PABPN1L: variants seen among roughly 807,000 people sequenced by gnomAD.
PABPN1L encodes the protein embryonic polyadenylate-binding protein 2.
Under a neutral mutation model 34.0 loss-of-function variants are expected in PABPN1L, and 45 were observed. That is an observed-to-expected ratio of 1.32 (90% CI 1.04 to 1.70). The LOEUF is 1.70. PABPN1L is among the 40% of genes most tolerant of loss of function. The pLI is 0.00. For missense variants in PABPN1L, 459 were observed against 367.8 expected, an observed-to-expected ratio of 1.25 and a Z score of -2.03; for synonymous variants, 182 against 152.1, an observed-to-expected ratio of 1.20 and a Z score of -1.45.
Position 88,866,348 on chromosome 16 carries a change from T to C in PABPN1L, c.255+4A>G, listed in dbSNP as rs1366945902. 6.5e-7 allele frequency: 1 copy of C among 1,548,876 alleles called. No homozygotes were observed. Among genetic ancestry groups the C allele is most frequent in the South Asian group, 1.2e-5 (1 of 84,010 alleles). ...GATCCCCAGGGCCTCCACACAGCTG[T>C]TACCTGGTCAGGCAATGGGCACTCA... On this transcript the variant is annotated splice_donor_region_variant and intron_variant, in intron 1 of 6. Transcript: ENST00000419291.
chr16:88,866,750 G>C (rs909831983), upstream of PABPN1L: 1 of 1,204,594 alleles, frequency 8.3e-7, no homozygotes, highest in African/African-American at 1.5e-5. Context: ...GGCTGAGTGG[G>C]GCTGAGCTTC....
chr16:88,865,988 C>G, intron 1 of PABPN1L, 47 bp from the exon 2 acceptor site: 2 of 1,549,320 alleles, frequency 1.3e-6, no homozygotes, highest in Non-Finnish European at 1.7e-6. Context: ...GCAGGCTCTG[C>G]TCAAGGAAGG....
Position 88,866,447 on chromosome 16 carries a change from C to T in PABPN1L, c.160G>A (p.Glu54Lys), listed in dbSNP as rs1435634229. Residue 54 changes from glutamate to lysine, a missense_variant, in exon 1 of 7, where the codon GAA becomes AAA. Glu to Lys is a moderately conservative substitution (Grantham distance 56, BLOSUM62 1). Coordinates refer to ENST00000419291, the Ensembl canonical transcript of PABPN1L. Reference sequence around the variant, plus strand: ...TCCTGGTCTTCCTCTGCATCCTCTTCCTCCTCTTTCTCCTCCTTCCCTTCC... The same window carrying T: ...TCCTGGTCTTCCTCTGCATCCTCTTTCTCCTCTTTCTCCTCCTTCCCTTCC... The T allele has an allele frequency of 6.4e-7, 1 of 1,551,568 alleles. No homozygotes were observed. Among genetic ancestry groups the T allele is most frequent in the East Asian group, 2.4e-5 (1 of 40,950 alleles).
upstream of PABPN1L, among the ~76,000 whole-genome samples, chr16:88,867,965 A>G (rs1009515269): frequency 3.3e-5 from 5 of 152,184 alleles, no homozygotes; most frequent in African/African-American, 9.7e-5. Flanking sequence ...CCCGGTGTTT[A>G]GCCAGTGGGG....
At chr16:88,863,663 C>G in exon 7 of PABPN1L, 1 of 1,463,342 alleles carries the variant, frequency 6.8e-7, no homozygotes, top group Non-Finnish European at 9.3e-7. Context: ...GGCCTCGCCC[C>G]CGCGCCACTC....
upstream of PABPN1L, among the ~76,000 whole-genome samples, chr16:88,869,011 C>G (rs771911210): frequency 6.6e-6 from 1 of 152,188 alleles, no homozygotes; most frequent in Non-Finnish European, 1.5e-5. Context: ...ATCTTGGGAC[C>G]CACAAGGAAT....
intron 6 of PABPN1L, 132 bp downstream of exon 6, chr16:88,864,105 C>T: frequency 8.3e-7 from 1 of 1,199,684 alleles, no homozygotes; most frequent in South Asian, 1.6e-5. Context: ...GCAGCAGCCA[C>T]AGCCCTCACC....
In PABPN1L at chr16:88,865,955, G is replaced by A. The variant is rs1261670863; in HGVS notation, c.256-14C>T. On this transcript the variant is annotated splice_polypyrimidine_tract_variant and intron_variant, in intron 1 of 6. Coordinates refer to ENST00000419291, the Ensembl canonical transcript of PABPN1L. ...GGCCTCCAGCTCCTGCCGACACACG[G>A]CCCTGAGCCGGGCAGGCAGCCTGCA... 1.2e-6 allele frequency: 2 copies of A among 1,601,184 alleles called. No individual in the cohort carries two copies. Among genetic ancestry groups the A allele is most frequent in the African/African-American group, 1.3e-5 (1 of 74,872 alleles).
chr16:88,866,196 C>T lies in PABPN1L; in HGVS notation c.255+156G>A, dbSNP rs113993659. Among the ~76,000 whole-genome samples the T allele has an allele frequency of 3.9e-5, 6 of 152,194 alleles. No individual in the cohort carries two copies. The East Asian group carries it at 7.7e-4, about 20-fold the overall frequency. On this transcript the variant is annotated intron_variant, in intron 1 of 6. Transcript: ENST00000419291. Reference sequence around the variant, plus strand: ...ACCCTGCAGTCTGTGTGGCTGGGGGCGGGGGGTCTCCTTGCCACCTTCGTC... The same window carrying T: ...ACCCTGCAGTCTGTGTGGCTGGGGGTGGGGGGTCTCCTTGCCACCTTCGTC...
chr16:88,866,080 G>T, intron 1 of PABPN1L, 139 bp from the exon 2 acceptor site: 1 of 1,366,596 alleles, frequency 7.3e-7, no homozygotes, highest in Non-Finnish European at 9.6e-7. Context: ...CTCCTTCCTG[G>T]GGCAGCTGGC....
At chr16:88,869,909 C>G (rs1029921447), upstream of PABPN1L, among the ~76,000 whole-genome samples, 2 of 152,216 alleles carry the variant, frequency 1.3e-5, no homozygotes, top group Non-Finnish European at 2.9e-5. Context: ...ACACCCTGTT[C>G]CAGAGCCGGG....
chr16:88,864,413 G>A (rs957655634), intron 5 of PABPN1L, 34 bp from the exon 6 acceptor site: 8 of 1,541,802 alleles, frequency 5.2e-6, no homozygotes, highest in Non-Finnish European at 7.0e-6. Context: ...TCCTCCTCAA[G>A]GAGCAGCCGA....
At chr16:88,869,571 C>T (rs927232268), upstream of PABPN1L, among the ~76,000 whole-genome samples, 12 of 152,212 alleles carry the variant, frequency 7.9e-5, no homozygotes, top group Non-Finnish European at 1.3e-4. Flanking sequence ...GGGTGGAGTG[C>T]GGCCTCAGCC....
chr16:88,864,696 G>T (rs1359747253), intron 5 of PABPN1L, among the ~76,000 whole-genome samples, 157 bp downstream of exon 5: 1 of 152,050 alleles, frequency 6.6e-6, no homozygotes, highest in Non-Finnish European at 1.5e-5. Context: ...CCAGCTTCAG[G>T]TCCGAGGGTC....
In PABPN1L at chr16:88,865,954, G is replaced by A. The variant is rs751111513; in HGVS notation, c.256-13C>T. 57 of 1,601,748 alleles carry A rather than the reference G, an allele frequency of 3.6e-5. No homozygotes were observed. Among genetic ancestry groups the A allele is most frequent in the Non-Finnish European group, 4.2e-5 (50 of 1,177,502 alleles). On this transcript the variant is annotated splice_polypyrimidine_tract_variant and intron_variant, in intron 1 of 6. Transcript: ENST00000419291. ...TGGCCTCCAGCTCCTGCCGACACAC[G>A]GCCCTGAGCCGGGCAGGCAGCCTGC...
At chr16:88,864,021 G>A (rs994333734) in intron 6 of PABPN1L, among the ~76,000 whole-genome samples, 1 of 146,696 alleles carries the variant, frequency 6.8e-6, no homozygotes, top group African/African-American at 2.6e-5. Flanking sequence ...CCACCCTGGG[G>A]CCTTTGTGGG....
chr16:88,865,697 C>T (rs577599511), intron 2 of PABPN1L, 67 bp from the exon 3 acceptor site: 928 of 1,554,978 alleles, frequency 6.0e-4, no homozygotes, highest in Non-Finnish European at 7.5e-4. Flanking sequence ...CGGGGAAGGT[C>T]GCCCAGGCTT....
chr16:88,867,646 G>A (rs1416786451), upstream of PABPN1L, among the ~76,000 whole-genome samples: 3 of 152,182 alleles, frequency 2.0e-5, no homozygotes, highest in Non-Finnish European at 4.4e-5. Flanking sequence ...TCCGTGGGGA[G>A]TGACGGCGTG....
Position 88,865,135 on chromosome 16 carries a change from C to T in PABPN1L, c.460-7G>A, listed in dbSNP as rs568374617. 20 of 1,562,736 alleles carry T rather than the reference C, an allele frequency of 1.3e-5. No individual in the cohort carries two copies. The Admixed American group carries it at 2.5e-4, about 19-fold the overall frequency. On this transcript the variant is annotated splice_polypyrimidine_tract_variant and splice_region_variant and intron_variant, in intron 3 of 6. Coordinates refer to ENST00000419291, the Ensembl canonical transcript of PABPN1L. The stretch of plus-strand genomic sequence containing the variant: ...CGGAGCCCCCGTAGTCCACCTGCAC[C>T]CAGGCCCAGACCAGCATGTGAGGGA...
Sources: allele counts gnomAD v4.1 joint callset (sites outside exome capture counted in the v4.1 genomes callset), GRCh38; gene constraint gnomAD v4.1.1; transcripts MANE v1.5; gene names NCBI Gene and HGNC (gene_info 2026-07-23, HGNC 2026-07-21).